Variants in DPYD observed in about 807,000 individuals in gnomAD.
DPYD encodes dihydropyrimidine dehydrogenase [NADP(+)].
Under a neutral mutation model 116.2 loss-of-function variants are expected in DPYD, and 109 were observed. The ratio of observed to expected loss-of-function variants is 0.94; its 90% CI spans 0.80 to 1.10. DPYD has a LOEUF of 1.10. DPYD is among the 50% of genes least tolerant of loss of function. DPYD has a pLI of 0.00. For synonymous variants in DPYD, 440 were observed against 432.0 expected (o/e 1.02, Z -0.23); for missense variants, 1,302 against 1,254.5 (o/e 1.04, Z -0.57).
chr1:97,177,478 A>G (rs1657364727), intron 20 of DPYD, among the ~76,000 whole-genome samples: 1 of 152,176 alleles, frequency 6.6e-6, no homozygotes, highest in Non-Finnish European at 1.5e-5. Flanking sequence ...CAGAAAAGCA[A>G]GTAAGAAACG....
Position 97,323,537 on chromosome 1 carries a change from TATC to T in DPYD, c.2059-17243_2059-17241del, listed in dbSNP as rs200843582. Among the ~76,000 whole-genome samples the T allele has an allele frequency of 4.3e-3, 571 of 132,754 alleles. 36 individuals carry two copies. Among genetic ancestry groups the T allele is most frequent in the African/African-American group, 0.015 (552 of 36,714 alleles). 87.1% of individuals were successfully genotyped at this position (132,754 alleles called of 152,430 possible). ...GTGTATATATACACATATATATACA[TATC>T]ATATATATACATATATGTGTATATA... On this transcript the variant is annotated intron_variant, in intron 16 of 22. Transcript: ENST00000370192.
At chr1:97,527,603 AACCC>A (rs1451702829) in intron 12 of DPYD, among the ~76,000 whole-genome samples, 1 of 152,110 alleles carries the variant, frequency 6.6e-6, no homozygotes, top group Non-Finnish European at 1.5e-5. Context: ...AAACTATAAT[AACCC>A]ATTATTTTAT....
chr1:97,229,197 C>T (rs1437713042), intron 19 of DPYD, among the ~76,000 whole-genome samples: 12 of 123,394 alleles, frequency 9.7e-5, no homozygotes, highest in Admixed American at 6.4e-4. Context: ...GTGCGAGACT[C>T]CTTCTCAAAA....
chr1:97,600,341 A>G (rs1054958095), intron 8 of DPYD, among the ~76,000 whole-genome samples: 3 of 151,978 alleles, frequency 2.0e-5, no homozygotes. Context: ...GTGCTGCATT[A>G]GGGACAGTAT....
chr1:97,818,930 G>A (rs181255037), intron 3 of DPYD, among the ~76,000 whole-genome samples: 8 of 151,966 alleles, frequency 5.3e-5, no homozygotes, highest in African/African-American at 9.6e-5. Context: ...CAAGGTACAC[G>A]AAATTAATCA....
intron 14 of DPYD, among the ~76,000 whole-genome samples, chr1:97,423,540 G>T (rs1674697096): frequency 6.6e-6 from 1 of 152,090 alleles, no homozygotes; most frequent in South Asian, 2.1e-4. Flanking sequence ...TAGTACCCTG[G>T]TGACCCGAAT....
chr1:97,323,614 G>A (rs1460308307), intron 16 of DPYD, among the ~76,000 whole-genome samples: 5 of 57,638 alleles, frequency 8.7e-5, no homozygotes, highest in East Asian at 5.3e-4. Context: ...ATATATACAC[G>A]TATATATACA....
At chr1:97,477,896 T>A (rs1678077275) in intron 13 of DPYD, among the ~76,000 whole-genome samples, 1 of 152,140 alleles carries the variant, frequency 6.6e-6, no homozygotes, top group South Asian at 2.1e-4. Flanking sequence ...CTGGGATTCA[T>A]GACTGTTCTT....
intron 3 of DPYD, among the ~76,000 whole-genome samples, chr1:97,808,349 A>G (rs1668179361): frequency 6.6e-6 from 1 of 152,152 alleles, no homozygotes; most frequent in African/African-American, 2.4e-5. Flanking sequence ...GATTTATTAA[A>G]TATTTCCTTT....
intron 14 of DPYD, among the ~76,000 whole-genome samples, chr1:97,437,109 A>T (rs1391715573): frequency 6.6e-6 from 1 of 151,798 alleles, no homozygotes; most frequent in African/African-American, 2.4e-5. Context: ...CTTTAAGACC[A>T]TTATCACAAT....
rs565245712 is a variant in DPYD, at chr1:97,818,790, A to C, written c.233+9324T>G. 5.9e-5 allele frequency among the ~76,000 whole-genome samples: 9 copies of C among 152,132 alleles called. No individual in the cohort carries two copies. The South Asian group carries it at 1.9e-3, about 32-fold the overall frequency. Reference sequence around the variant, plus strand: ...TGTGTGCATGTGTATATATGTGTATAAAGACATATACACACATTCATATTA... The same window carrying C: ...TGTGTGCATGTGTATATATGTGTATCAAGACATATACACACATTCATATTA... On this transcript the variant is annotated intron_variant, in intron 3 of 22. Coordinates refer to ENST00000370192, the MANE Select transcript of DPYD (RefSeq NM_000110.4).
chr1:97,079,763 G>A (rs1570420495), intron 22 of DPYD, among the ~76,000 whole-genome samples: 1 of 152,126 alleles, frequency 6.6e-6, no homozygotes, highest in East Asian at 1.9e-4. Flanking sequence ...TCCAGTCCTG[G>A]CCCTGACACT....
At chr1:97,545,264 T>C (rs1650748798) in intron 12 of DPYD, among the ~76,000 whole-genome samples, 1 of 152,216 alleles carries the variant, frequency 6.6e-6, no homozygotes, top group Non-Finnish European at 1.5e-5. Flanking sequence ...TCTGAGACTC[T>C]AGCCTTTCCT....
chr1:97,533,733 G>C (rs1316673313), intron 12 of DPYD, among the ~76,000 whole-genome samples: 1 of 152,148 alleles, frequency 6.6e-6, no homozygotes, highest in Non-Finnish European at 1.5e-5. Context: ...ACTTGCTCTT[G>C]TGTTAACCTA....
At chr1:97,750,920 C>T (rs967838702) in intron 3 of DPYD, among the ~76,000 whole-genome samples, 7 of 152,002 alleles carry the variant, frequency 4.6e-5, no homozygotes, top group African/African-American at 1.7e-4. Context: ...GACCATATTT[C>T]TGAGTATTTG....
intron 14 of DPYD, among the ~76,000 whole-genome samples, chr1:97,428,520 TAG>T (rs1475474935): frequency 6.6e-6 from 1 of 152,036 alleles, no homozygotes; most frequent in African/African-American, 2.4e-5. Context: ...AGGAAAGCAG[TAG>T]GTTTTGTTCC....
chr1:97,838,129 C>A (rs929432869), intron 2 of DPYD, among the ~76,000 whole-genome samples: 1 of 152,196 alleles, frequency 6.6e-6, no homozygotes, highest in Admixed American at 6.5e-5. Flanking sequence ...AATTTTTATG[C>A]AAGCTCAGTA....
At chr1:97,235,032 A>C (rs1661816906) in intron 18 of DPYD, 38 bp from the exon 19 acceptor site, 2 of 1,613,268 alleles carry the variant, frequency 1.2e-6, no homozygotes, top group African/African-American at 2.7e-5. Context: ...TAGCACACTG[A>C]CCACTTGAGT....
intron 12 of DPYD, among the ~76,000 whole-genome samples, chr1:97,537,087 A>G (rs1309345097): frequency 3.3e-5 from 5 of 152,234 alleles, no homozygotes; most frequent in Non-Finnish European, 7.3e-5. Flanking sequence ...TCTTTTATTT[A>G]AAGTTGGGAC....
Sources: allele counts gnomAD v4.1 joint callset (sites outside exome capture counted in the v4.1 genomes callset), GRCh38; gene constraint gnomAD v4.1.1; transcripts MANE v1.5; gene names NCBI Gene and HGNC (gene_info 2026-07-23, HGNC 2026-07-21).